The following POFUT3 variants were observed in gnomAD, a reference collection of about 807,000 sequenced individuals.
The protein encoded by POFUT3 is GDP-fucose protein O-fucosyltransferase 3.
At chr8:33,311,031 C>A in the POFUT3 span, among the ~76,000 whole-genome samples, 1 of 152,178 alleles carries the variant, frequency 6.6e-6, no homozygotes, top group East Asian at 1.9e-4. Flanking sequence ...GGGCTGGTAC[C>A]CTCCTTGTCA....
At chr8:33,314,861 A>G in the POFUT3 span, among the ~76,000 whole-genome samples, 4 of 152,104 alleles carry the variant, frequency 2.6e-5, no homozygotes, top group Non-Finnish European at 5.9e-5. Context: ...GCCTTTACAG[A>G]GCTGTTGTAA....
the POFUT3 span, among the ~76,000 whole-genome samples, chr8:33,324,235 G>T: frequency 6.6e-6 from 1 of 152,178 alleles, no homozygotes; most frequent in African/African-American, 2.4e-5. Flanking sequence ...ACACCTCACA[G>T]CAAGGGAGGC....
At chr8:33,346,943 C>T in the POFUT3 span, among the ~76,000 whole-genome samples, 1 of 152,110 alleles carries the variant, frequency 6.6e-6, no homozygotes, top group Non-Finnish European at 1.5e-5. Context: ...GTTTTAGTCC[C>T]TGAAGGAAAT....
At chr8:33,454,485 T>C in the POFUT3 span, among the ~76,000 whole-genome samples, 1 of 152,184 alleles carries the variant, frequency 6.6e-6, no homozygotes, top group Non-Finnish European at 1.5e-5. Flanking sequence ...GTGGGTCACA[T>C]TGATCCCATC....
the POFUT3 span, among the ~76,000 whole-genome samples, chr8:33,411,254 G>A: frequency 1.3e-5 from 2 of 152,316 alleles, no homozygotes; most frequent in African/African-American, 4.8e-5. Flanking sequence ...CAGGATGGAG[G>A]GGTGAGACAG....
At chr8:33,336,159 T>C in the POFUT3 span, among the ~76,000 whole-genome samples, 1 of 152,254 alleles carries the variant, frequency 6.6e-6, no homozygotes, top group South Asian at 2.1e-4. Flanking sequence ...TATCATTTTT[T>C]AAAGTCTAGA....
the POFUT3 span, among the ~76,000 whole-genome samples, chr8:33,454,583 A>T: frequency 6.6e-6 from 1 of 152,178 alleles, no homozygotes; most frequent in Admixed American, 6.5e-5. Context: ...TCAACCAACA[A>T]GAATGGCCAA....
At chr8:33,365,578 A>G in the POFUT3 span, among the ~76,000 whole-genome samples, 2 of 152,206 alleles carry the variant, frequency 1.3e-5, no homozygotes, top group Non-Finnish European at 2.9e-5. Flanking sequence ...AAACAACCCC[A>G]TCAAAAAGTG....
At chr8:33,403,253 A>G in the POFUT3 span, among the ~76,000 whole-genome samples, 1 of 147,366 alleles carries the variant, frequency 6.8e-6, no homozygotes, top group Non-Finnish European at 1.5e-5. Flanking sequence ...ATATGTGTGC[A>G]TGTTTGTATG....
At chr8:33,399,665 T>A in the POFUT3 span, among the ~76,000 whole-genome samples, 15 of 152,066 alleles carry the variant, frequency 9.9e-5, no homozygotes, top group African/African-American at 3.6e-4. Flanking sequence ...TTTATTTGTT[T>A]TTTTTTTGAG....
At chr8:33,414,049 G>A in the POFUT3 span, among the ~76,000 whole-genome samples, 47 of 152,140 alleles carry the variant, frequency 3.1e-4, no homozygotes, top group African/African-American at 1.1e-3. Context: ...TCCACCCTCA[G>A]TGCAGGGAAG....
chr8:33,449,935 C>CT, the POFUT3 span, among the ~76,000 whole-genome samples: 67,683 of 112,402 alleles, frequency 0.6, 21,588 homozygotes, highest in Non-Finnish European at 0.66. Context: ...TGAAGCTTTT[C>CT]TTTTTTTTTT....
the POFUT3 span, among the ~76,000 whole-genome samples, chr8:33,471,219 GTTTT>G: frequency 6.6e-6 from 1 of 151,156 alleles, no homozygotes; most frequent in South Asian, 2.1e-4. Flanking sequence ...TCCGAGGTTG[GTTTT>G]TTTGTTTTTG....
chr8:33,470,221 A>G, the POFUT3 span, among the ~76,000 whole-genome samples: 1 of 141,912 alleles, frequency 7.0e-6, no homozygotes, highest in Admixed American at 7.4e-5. Flanking sequence ...GCAACACAGC[A>G]AGAACCCATC....
chr8:33,396,236 C>T, the POFUT3 span, among the ~76,000 whole-genome samples: 12 of 152,128 alleles, frequency 7.9e-5, no homozygotes, highest in African/African-American at 2.4e-4. Context: ...CCAGTCGAAG[C>T]GTAGCAGGGA....
the POFUT3 span, among the ~76,000 whole-genome samples, chr8:33,460,313 C>A: frequency 6.6e-5 from 10 of 152,248 alleles, no homozygotes; most frequent in Non-Finnish European, 1.3e-4. Flanking sequence ...CGAGACTGCG[C>A]CACTGCTCTC....
chr8:33,354,986 A>C, the POFUT3 span, among the ~76,000 whole-genome samples: 7 of 152,226 alleles, frequency 4.6e-5, no homozygotes. Context: ...TGTTTACACA[A>C]ATATGTGATC....
At chr8:33,354,388 C>A in the POFUT3 span, among the ~76,000 whole-genome samples, 5 of 152,030 alleles carry the variant, frequency 3.3e-5, no homozygotes. Context: ...TGATGTAAGC[C>A]CCGGTTTGAG....
At chr8:33,450,720 G>A in the POFUT3 span, among the ~76,000 whole-genome samples, 1 of 152,188 alleles carries the variant, frequency 6.6e-6, no homozygotes, top group Non-Finnish European at 1.5e-5. Context: ...GCACTGGAGA[G>A]TAACAGGATC....
Sources: allele counts gnomAD v4.1 joint callset (sites outside exome capture counted in the v4.1 genomes callset), GRCh38; gene constraint gnomAD v4.1.1; transcripts MANE v1.5; gene names NCBI Gene and HGNC (gene_info 2026-07-23, HGNC 2026-07-21).